AKAP12: variants seen among roughly 807,000 people sequenced by gnomAD.
The protein encoded by AKAP12 is A-kinase anchoring protein 12, also known as A-kinase anchor protein 12.
Under a neutral mutation model 79.9 loss-of-function variants are expected in AKAP12, and 32 were observed. The ratio of observed to expected loss-of-function variants is 0.40; its 90% CI spans 0.30 to 0.54. The LOEUF (loss-of-function observed/expected upper bound fraction) is 0.54. AKAP12 is among the 20% of genes least tolerant of loss of function. The probability of loss-of-function intolerance (pLI) is 0.48; values close to 1 mark genes in which losing one functional copy is unlikely to be tolerated. For missense variants in AKAP12, 2,074 were observed against 2,177.0 expected (o/e 0.95, Z 0.94); for synonymous variants, 808 against 857.0 (o/e 0.94, Z 1.00).
intron 3 of AKAP12, among the ~76,000 whole-genome samples, chr6:151,320,584 T>C (rs1223037069): frequency 2.0e-5 from 3 of 152,186 alleles, no homozygotes; most frequent in South Asian, 2.1e-4. Flanking sequence ...GCCATTCTTA[T>C]TTCATGGACA....
intron 4 of AKAP12, among the ~76,000 whole-genome samples, chr6:151,354,743 ATTGCTGCAACC>A (rs373555834): frequency 5.9e-5 from 9 of 151,916 alleles, no homozygotes; most frequent in African/African-American, 1.9e-4. Context: ...GCAATCATGG[ATTGCTGCAACC>A]TTGACTTCCT....
intron 2 of AKAP12, among the ~76,000 whole-genome samples, chr6:151,252,355 C>T (rs1797196897): frequency 6.6e-6 from 1 of 152,000 alleles, no homozygotes; most frequent in Non-Finnish European, 1.5e-5. Context: ...GCCACCATGC[C>T]TGGCTAATTT....
At chr6:151,258,611 TTAA>T (rs1432232071) in intron 2 of AKAP12, among the ~76,000 whole-genome samples, 18 of 152,302 alleles carry the variant, frequency 1.2e-4, no homozygotes, top group African/African-American at 3.6e-4. Context: ...TTCCTGCTTC[TTAA>T]TAAATATCTA....
chr6:151,269,346 A>G (rs1375301654), intron 2 of AKAP12, among the ~76,000 whole-genome samples: 2 of 152,102 alleles, frequency 1.3e-5, no homozygotes, highest in African/African-American at 4.8e-5. Context: ...ATTTTTCTCA[A>G]TAGCATTTTA....
Position 151,240,618 on chromosome 6 carries a change from G to T in AKAP12, c.56G>T (p.Ser19Ile). ...AGCCCGGAGCAGCCGCCCGAGGGGA[G>T]CTCCACGCCGGCTGAGCCCGAGCCC... The part of the protein sequence containing the change: ...QRSPEQPPEG[S>I]STPAEPEPSG... The change falls in exon 2 of 5, where the codon AGC becomes ATC. Residue 19 changes from serine (S) to isoleucine (I), a missense_variant. Around this residue, in one of 3 missense-constraint regions of AKAP12, gnomAD observed 1,428 missense variants for 1,451.0 expected, o/e 0.98. Transcript: ENST00000402676. 1 of 1,395,182 alleles carries T rather than the reference G, an allele frequency of 7.2e-7. No individual in the cohort carries two copies. The highest frequency in any genetic ancestry group is 9.3e-7 in the Non-Finnish European group (1 of 1,077,974). The allele number at this position is 1,395,182 out of a possible 1,614,324, so 86.4% of individuals were successfully genotyped here. A position where few individuals can be genotyped will look rare whatever the true frequency, so the allele number is the denominator to read the frequency against.
chr6:151,323,983 C>T (rs548676108), intron 3 of AKAP12: 1 of 985,366 alleles, frequency 1.0e-6, no homozygotes, highest in African/African-American at 1.7e-5. Flanking sequence ...CATCCCAAGT[C>T]GTCTTTATCC....
chr6:151,349,811 G>C lies in AKAP12; in HGVS notation c.1420G>C (p.Glu474Gln), dbSNP rs767298628. The C allele has an allele frequency of 1.2e-6, 2 of 1,614,124 alleles. No individual in the cohort carries two copies. Among genetic ancestry groups the C allele is most frequent in the South Asian group, 2.2e-5 (2 of 91,066 alleles). Residue 474 changes from glutamate (E) to glutamine (Q), a missense_variant, in exon 4 of 5, where the codon GAG becomes CAG. By Grantham distance (29) the Glu-to-Gln change is conservative. Transcript: ENST00000402676. Reference protein sequence around the residue: ...VKLKETCVSGEDPTQGADLSP... With the variant: ...VKLKETCVSGQDPTQGADLSP... ...GCTCAAAGAAACGTGTGTTTCCGGA[G>C]AGGACCCTACACAGGGAGCTGACCT...
intron 3 of AKAP12, among the ~76,000 whole-genome samples, chr6:151,328,958 T>C (rs1434351669): frequency 6.6e-6 from 1 of 152,160 alleles, no homozygotes; most frequent in Non-Finnish European, 1.5e-5. Context: ...AATTGAATTA[T>C]GAAATGATTG....
chr6:151,321,314 A>G (rs1777380099), intron 3 of AKAP12, among the ~76,000 whole-genome samples: 1 of 150,254 alleles, frequency 6.7e-6, no homozygotes, highest in African/African-American at 2.5e-5. Flanking sequence ...TCATAAAGAA[A>G]CTCCATCCTG....
At chr6:151,277,285 A>G (rs1776306608) in intron 2 of AKAP12, among the ~76,000 whole-genome samples, 1 of 152,216 alleles carries the variant, frequency 6.6e-6, no homozygotes, top group Admixed American at 6.5e-5. Flanking sequence ...TGCTTTAGTA[A>G]GCAATATGTA....
intron 3 of AKAP12, among the ~76,000 whole-genome samples, chr6:151,340,835 T>C (rs1777926086): frequency 6.6e-6 from 1 of 152,152 alleles, no homozygotes; most frequent in African/African-American, 2.4e-5. Flanking sequence ...ACGTCCTTCA[T>C]TGTGGATTCA....
chr6:151,335,172 T>G (rs1777780647), intron 3 of AKAP12, among the ~76,000 whole-genome samples: 1 of 152,192 alleles, frequency 6.6e-6, no homozygotes, highest in Non-Finnish European at 1.5e-5. Context: ...AAGACTTTAT[T>G]CAGAAAACAA....
At chr6:151,305,946 A>C in intron 3 of AKAP12, 43 bp downstream of exon 3, 1 of 1,559,530 alleles carries the variant, frequency 6.4e-7, no homozygotes, top group South Asian at 1.2e-5. Context: ...CAGCACTTGC[A>C]ACAAACTTTG....
chr6:151,287,491 A>G (rs1017299673), intron 2 of AKAP12, among the ~76,000 whole-genome samples: 66 of 151,660 alleles, frequency 4.4e-4, no homozygotes, highest in African/African-American at 1.5e-3. Context: ...TAACTCTTGG[A>G]CTCCAGCGAT....
intron 3 of AKAP12, among the ~76,000 whole-genome samples, chr6:151,334,947 T>G (rs979154886): frequency 6.6e-6 from 1 of 152,144 alleles, no homozygotes. Flanking sequence ...TTGGCGATTT[T>G]CAGTGACTTC....
intron 2 of AKAP12, among the ~76,000 whole-genome samples, chr6:151,302,051 C>A (rs895728467): frequency 6.7e-6 from 1 of 148,780 alleles, no homozygotes. Context: ...GAGTCTCCCT[C>A]TGTTGCCCAG....
intron 2 of AKAP12, among the ~76,000 whole-genome samples, chr6:151,280,088 T>A (rs1196455074): frequency 6.6e-6 from 1 of 151,528 alleles, no homozygotes; most frequent in African/African-American, 2.4e-5. Context: ...GTAACTTGCC[T>A]TTTTCACTCA....
chr6:151,271,898 G>C (rs1281173060), intron 2 of AKAP12, among the ~76,000 whole-genome samples: 1 of 148,444 alleles, frequency 6.7e-6, no homozygotes, highest in Non-Finnish European at 1.5e-5. Flanking sequence ...GACTGCAAAT[G>C]ATCCACCCAC....
At chr6:151,340,031 A>G (rs560373018) in intron 3 of AKAP12, among the ~76,000 whole-genome samples, 11 of 151,970 alleles carry the variant, frequency 7.2e-5, no homozygotes, top group South Asian at 4.2e-4. Flanking sequence ...GGTTCAAGCA[A>G]TTCTCTGCCT....
Sources: allele counts gnomAD v4.1 joint callset (sites outside exome capture counted in the v4.1 genomes callset), GRCh38; gene constraint gnomAD v4.1.1; regional missense constraint gnomAD v4.1.1; transcripts MANE v1.5; gene names NCBI Gene and HGNC (gene_info 2026-07-23, HGNC 2026-07-21).